LTAP1: variants seen among roughly 807,000 people sequenced by gnomAD.
LTAP1 encodes HCV NS5A-transactivated protein 4.
At chr1:154,214,393 A>G in the LTAP1 span, 1 of 1,090,036 alleles carries the variant, frequency 9.2e-7, no homozygotes, top group Admixed American at 1.9e-5. Context: ...GACAACTCTG[A>G]GAGAAAAGGA....
chr1:154,215,860 C>T, the LTAP1 span, among the ~76,000 whole-genome samples: 3 of 145,574 alleles, frequency 2.1e-5, no homozygotes, highest in East Asian at 2.0e-4. Flanking sequence ...TTTTTTGAGA[C>T]GGAGTCTCGC....
At chr1:154,214,582 C>T in the LTAP1 span, 5 of 1,573,328 alleles carry the variant, frequency 3.2e-6, no homozygotes, top group Non-Finnish European at 4.4e-6. Context: ...GTCCTGTTCA[C>T]ATAAAAAAAG....
the LTAP1 span, chr1:154,214,382 T>C: frequency 3.1e-6 from 3 of 968,168 alleles, no homozygotes; most frequent in Non-Finnish European, 3.3e-6. Context: ...CAGCAGCTTT[T>C]GACAACTCTG....
chr1:154,220,139 G>A, the LTAP1 span: 4 of 734,700 alleles, frequency 5.4e-6, no homozygotes, highest in African/African-American at 1.8e-5. Flanking sequence ...CTGTGCTCTA[G>A]CGTTAAAGGG....
chr1:154,214,600 A>G, the LTAP1 span: 1 of 1,458,580 alleles, frequency 6.9e-7, no homozygotes, highest in Non-Finnish European at 9.6e-7. Context: ...AAGAATACAC[A>G]ATCATTTACC....
the LTAP1 span, chr1:154,207,559 A>G: frequency 6.2e-7 from 1 of 1,614,042 alleles, no homozygotes; most frequent in Non-Finnish European, 8.5e-7. Flanking sequence ...TGTCACCTGG[A>G]TGGTTGTTGG....
the LTAP1 span, chr1:154,213,889 T>G: frequency 5.0e-6 from 8 of 1,612,358 alleles, no homozygotes; most frequent in Non-Finnish European, 6.8e-6. Context: ...CAGGTAGCCC[T>G]TACCAGAGGT....
chr1:154,216,128 C>T, the LTAP1 span, among the ~76,000 whole-genome samples: 4 of 152,070 alleles, frequency 2.6e-5, no homozygotes, highest in Non-Finnish European at 4.4e-5. Context: ...TGAGCCACCG[C>T]GCCCGGCCCT....
the LTAP1 span, chr1:154,213,836 C>G: frequency 7.0e-7 from 1 of 1,438,094 alleles, no homozygotes; most frequent in Admixed American, 1.8e-5. Flanking sequence ...GTTCATTACT[C>G]TGTTCCCTAG....
the LTAP1 span, among the ~76,000 whole-genome samples, chr1:154,216,168 T>C: frequency 6.6e-6 from 1 of 151,892 alleles, no homozygotes; most frequent in Non-Finnish European, 1.5e-5. Context: ...TGTGTGCCCA[T>C]CCCTCATTGA....
At chr1:154,212,605 T>C in the LTAP1 span, 2 of 1,614,098 alleles carry the variant, frequency 1.2e-6, no homozygotes, top group South Asian at 2.2e-5. Context: ...GATGCCGGCC[T>C]TCAGAATGAA....
At chr1:154,212,172 T>C in the LTAP1 span, 118 of 886,024 alleles carry the variant, frequency 1.3e-4, no homozygotes, top group South Asian at 7.0e-4. Context: ...TGCTTTCTAA[T>C]GTAAGAGACT....
chr1:154,210,827 TA>T, the LTAP1 span, among the ~76,000 whole-genome samples: 9,796 of 151,974 alleles, frequency 0.064, 1,071 homozygotes, highest in African/African-American at 0.22. Context: ...ACTTTGATTT[TA>T]ACATTTGCAT....
the LTAP1 span, among the ~76,000 whole-genome samples, chr1:154,215,754 T>C: frequency 6.6e-6 from 1 of 152,126 alleles, no homozygotes; most frequent in Non-Finnish European, 1.5e-5. Context: ...AACATAGATG[T>C]ACATTTTAAA....
the LTAP1 span, chr1:154,220,213 G>C: frequency 1.0e-5 from 12 of 1,148,660 alleles, 1 homozygote; most frequent in Admixed American, 2.1e-4. Context: ...ACCTACTCCT[G>C]GAATAAGGAG....
the LTAP1 span, chr1:154,212,812 C>G: frequency 1.7e-6 from 1 of 594,656 alleles, no homozygotes; most frequent in Non-Finnish European, 2.9e-6. Flanking sequence ...CAGATGTGCA[C>G]CACCATGCCA....
the LTAP1 span, chr1:154,211,920 G>C: frequency 5.5e-6 from 1 of 181,794 alleles, no homozygotes. Context: ...ATAATGGCAC[G>C]ATCTTGGCTC....
chr1:154,215,393 T>C, the LTAP1 span, among the ~76,000 whole-genome samples: 4 of 151,720 alleles, frequency 2.6e-5, no homozygotes, highest in Non-Finnish European at 5.9e-5. Flanking sequence ...GGTGAAACCC[T>C]GTCTCTACTA....
chr1:154,212,402 G>A, the LTAP1 span: 2 of 1,613,968 alleles, frequency 1.2e-6, no homozygotes. Flanking sequence ...AAGGAAGAGT[G>A]AGGATCTCTC....
Sources: gnomAD v4.1 joint callset for allele counts (sites outside exome capture counted in the v4.1 genomes callset) on GRCh38, gnomAD v4.1.1 for gene constraint, MANE v1.5 for transcripts, NCBI Gene and HGNC (gene_info 2026-07-23, HGNC 2026-07-21) for gene names.